The following LRRC45 variants were observed in gnomAD, a reference collection of about 807,000 sequenced individuals.
LRRC45 encodes the protein leucine rich repeat containing 45, also known as leucine-rich repeat-containing protein 45.
Under a neutral mutation model 85.4 loss-of-function variants are expected in LRRC45, and 73 were observed. The ratio of observed to expected loss-of-function variants is 0.85; its 90% CI spans 0.71 to 1.04. The LOEUF (loss-of-function observed/expected upper bound fraction) is 1.04, where lower values mean the gene tolerates loss of function less well. LRRC45 is among the 50% of genes least tolerant of loss of function. LRRC45 has a pLI of 0.00. For missense variants in LRRC45, 937 were observed against 883.3 expected, an observed-to-expected ratio of 1.06 and a Z score of -0.77; for synonymous variants, 429 against 386.0, an observed-to-expected ratio of 1.11 and a Z score of -1.31.
intron 13 of LRRC45, 108 bp from the exon 14 acceptor site, chr17:82,029,435 G>A (rs2043397539): frequency 7.8e-7 from 1 of 1,280,550 alleles, no homozygotes; most frequent in African/African-American, 1.5e-5. Context: ...GCCCTCAGGA[G>A]GCTGGCAGAG....
In LRRC45 at chr17:82,029,178, TGGA is replaced by T. The variant is rs2043394418; in HGVS notation, c.1400_1401+1del. 5 of 1,610,010 alleles carry T rather than the reference TGGA, an allele frequency of 3.1e-6. No individual in the cohort carries two copies. Among genetic ancestry groups the T allele is most frequent in the African/African-American group, 1.3e-5 (1 of 74,878 alleles). On this transcript the variant is annotated inframe_deletion, in exon 13 of 17. Transcript: ENST00000306688. ...AGGCTGGAGGCGGCGCGGCTGTCCC[TGGA>T]GGAGGTGAGTGCCCACCAGGCAGGG...
chr17:82,028,513 G>C lies in LRRC45; in HGVS notation c.1237+5G>C, dbSNP rs780676989. Reference sequence around the variant, plus strand: ...TGCGGGCCATCCAGGCCGAGGGTGGGCACGGGCAGGCCTGCTGTGGAGGGG... The same window carrying C: ...TGCGGGCCATCCAGGCCGAGGGTGGCCACGGGCAGGCCTGCTGTGGAGGGG... On this transcript the variant is annotated splice_donor_5th_base_variant and intron_variant, in intron 11 of 16. Transcript: ENST00000306688. 6.2e-7 allele frequency: 1 copy of C among 1,612,214 alleles called. No individual in the cohort carries two copies. Among genetic ancestry groups the C allele is most frequent in the East Asian group, 2.2e-5 (1 of 44,868 alleles).
chr17:82,030,867 G>C lies in LRRC45; in HGVS notation c.*62G>C. ...TCAGGCGGCGCCCGAGATGGACCAG[G>C]GGCTGCGTCCCGCCCGCGCCGCCTC... On this transcript the variant is annotated 3_prime_UTR_variant, in exon 17 of 17. Transcript: ENST00000306688. 1.6e-6 allele frequency: 2 copies of C among 1,213,820 alleles called. No individual in the cohort carries two copies. The highest frequency in any genetic ancestry group is 6.0e-5 in the East Asian group (2 of 33,424). The allele number at this position is 1,213,820 out of a possible 1,614,324, so 75.2% of individuals were successfully genotyped here.
In LRRC45 at chr17:82,027,398, A is replaced by G. The variant is rs2043377423; in HGVS notation, c.787A>G (p.Met263Val). 1.9e-6 allele frequency: 3 copies of G among 1,612,486 alleles called. No individual in the cohort carries two copies. Among genetic ancestry groups the G allele is most frequent in the African/African-American group, 1.3e-5 (1 of 74,920 alleles). The change falls in exon 7 of 17, where the codon ATG becomes GTG. Residue 263 changes from methionine (M) to valine (V), a missense_variant. Transcript: ENST00000306688. ...EEKSKQFLDL[M>V]ETIDKQREEM... ...TCTCTGTCCCCAGTTCCTCGACTTG[A>G]TGGAGACTATTGATAAGCAGCGAGA...
At position 82,030,713 on chromosome 17, in the gene LRRC45, G is replaced by A; in HGVS notation, c.1921G>A (p.Asp641Asn). ...GGAGGCGGAGATCGCCCGCATCCGG[G>A]ACGAGGAGGCCCAGAGGGCGAGCTT... ...LREAEIARIRDEEAQRASFLQ... is the reference protein window; with the variant it reads ...LREAEIARIRNEEAQRASFLQ... Residue 641 changes from aspartate (D) to asparagine (N), a missense_variant, in exon 17 of 17, where the codon GAC (aspartate) becomes AAC (asparagine). Coordinates refer to ENST00000306688, the MANE Select transcript of LRRC45 (RefSeq NM_144999.4). 10 of 1,500,064 alleles carry A rather than the reference G, an allele frequency of 6.7e-6. No individual in the cohort carries two copies. The highest frequency in any genetic ancestry group is 9.0e-6 in the Non-Finnish European group (10 of 1,115,124). The allele number at this position is 1,500,064 out of a possible 1,614,324, so 92.9% of individuals were successfully genotyped here.
In LRRC45 at chr17:82,023,840, GTGAC is replaced by G; in HGVS notation, c.200_203del (p.Asp67AlafsTer26). The G allele has an allele frequency of 6.4e-7, 1 of 1,563,890 alleles. No homozygotes were observed. The highest frequency in any genetic ancestry group is 8.6e-7 in the Non-Finnish European group (1 of 1,156,370). On this transcript the variant is annotated frameshift_variant, in exon 1 of 17. Coordinates refer to ENST00000306688, the MANE Select transcript of LRRC45 (RefSeq NM_144999.4). LOFTEE classifies it high-confidence loss of function. ...ACGCTGTGCACGGAGCTGGTCCTGA[GTGAC>G]TGCATGCTCAGCGAGGAAGGTGGGC...
chr17:82,028,889 A>G, intron 12 of LRRC45: 1 of 727,996 alleles, frequency 1.4e-6, no homozygotes, highest in Non-Finnish European at 2.3e-6. Flanking sequence ...GCCGTAGTAC[A>G]GGCTGCCGTT....
chr17:82,029,638 G>A lies in LRRC45; in HGVS notation c.1494+3G>A. On this transcript the variant is annotated splice_donor_region_variant and intron_variant, in intron 14 of 16. Coordinates refer to ENST00000306688, the MANE Select transcript of LRRC45 (RefSeq NM_144999.4). ...AGAGCCAGGCCCGCCTGGAGGAGGT[G>A]AGCCACACATGTCCGCCACCCTCCG... The A allele has an allele frequency of 6.4e-7, 1 of 1,565,440 alleles. No homozygotes were observed. The highest frequency in any genetic ancestry group is 8.6e-7 in the Non-Finnish European group (1 of 1,156,652).
In LRRC45 at chr17:82,023,601, G is replaced by C; in HGVS notation, c.-43G>C. ...CGCACCGCGCGGCTCCCTTTCAGCA[G>C]CTGCGGGAGCATGCGGAGGAGGCCC... On this transcript the variant is annotated 5_prime_UTR_variant, in exon 1 of 17. Coordinates refer to ENST00000306688, the MANE Select transcript of LRRC45 (RefSeq NM_144999.4). The C allele has an allele frequency of 6.8e-7, 1 of 1,469,480 alleles. No individual in the cohort carries two copies. The highest frequency in any genetic ancestry group is 9.0e-7 in the Non-Finnish European group (1 of 1,107,344). The allele number at this position is 1,469,480 out of a possible 1,614,324, so 91.0% of individuals were successfully genotyped here.
At chr17:82,024,622 C>T (rs1392579486) in intron 2 of LRRC45, 71 bp from the exon 3 acceptor site, 3 of 1,505,092 alleles carry the variant, frequency 2.0e-6, no homozygotes, top group East Asian at 2.3e-5. Flanking sequence ...TGACCAAGGC[C>T]CTTGGGGCAT....
chr17:82,026,564 T>TGTGTGTGTG (rs1555644848), intron 5 of LRRC45, among the ~76,000 whole-genome samples: 3,356 of 137,550 alleles, frequency 0.024, 156 homozygotes, highest in African/African-American at 0.087. Context: ...CACAGCTCCT[T>TGTGTGTGTG]TGTGTGTGTG....
intron 1 of LRRC45, 92 bp from the exon 2 acceptor site, chr17:82,024,186 C>T: frequency 7.0e-7 from 1 of 1,426,426 alleles, no homozygotes; most frequent in Non-Finnish European, 9.6e-7. Flanking sequence ...TTGTCCCTTC[C>T]TGGGTCTAGG....
chr17:82,024,606 C>T, intron 2 of LRRC45, 87 bp from the exon 3 acceptor site: 1 of 1,451,166 alleles, frequency 6.9e-7, no homozygotes, highest in South Asian at 1.3e-5. Flanking sequence ...AGGCTTGTCC[C>T]CTGGCTGACC....
intron 2 of LRRC45, 27 bp from the exon 3 acceptor site, chr17:82,024,666 G>A: frequency 6.4e-7 from 1 of 1,563,584 alleles, no homozygotes; most frequent in South Asian, 1.2e-5. Context: ...GGGCACGCGA[G>A]TGACTACCGG....
chr17:82,025,891 T>C (rs898603573), intron 5 of LRRC45, among the ~76,000 whole-genome samples: 1 of 152,182 alleles, frequency 6.6e-6, no homozygotes, highest in Non-Finnish European at 1.5e-5. Context: ...TGGCCCTGCA[T>C]GTGAGTCAGG....
At chr17:82,024,116 T>C in intron 1 of LRRC45, 162 bp from the exon 2 acceptor site, 1 of 872,826 alleles carries the variant, frequency 1.1e-6, no homozygotes, top group South Asian at 1.8e-5. Flanking sequence ...GCTGCAGGTG[T>C]TTCAAACATG....
At chr17:82,029,441 C>G in intron 13 of LRRC45, 102 bp from the exon 14 acceptor site, 1 of 1,322,638 alleles carries the variant, frequency 7.6e-7, no homozygotes, top group Non-Finnish European at 1.1e-6. Context: ...AGGAGGCTGG[C>G]AGAGAGGAGC....
In LRRC45 at chr17:82,023,631, G is replaced by A. The variant is rs746082574; in HGVS notation, c.-13G>A. The A allele has an allele frequency of 4.0e-6, 6 of 1,518,330 alleles. No individual in the cohort carries two copies. The highest frequency in any genetic ancestry group is 5.3e-6 in the Non-Finnish European group (6 of 1,135,994). 94.1% of individuals were successfully genotyped at this position (1,518,330 alleles called of 1,614,324 possible). The stretch of plus-strand genomic sequence containing the variant: ...GGGAGCATGCGGAGGAGGCCCTGCC[G>A]GCCCCGCGGGTCATGGAGGAGTTCC... On this transcript the variant is annotated 5_prime_UTR_variant, in exon 1 of 17. Coordinates refer to ENST00000306688, the MANE Select transcript of LRRC45 (RefSeq NM_144999.4).
At chr17:82,029,271 C>A in intron 13 of LRRC45, 86 bp downstream of exon 13, 2 of 1,298,910 alleles carry the variant, frequency 1.5e-6, no homozygotes, top group South Asian at 1.4e-5. Context: ...GCCTCAGGAC[C>A]AGAGACCTCT....
Sources: allele counts gnomAD v4.1 joint callset (sites outside exome capture counted in the v4.1 genomes callset), GRCh38; gene constraint gnomAD v4.1.1; transcripts MANE v1.5; gene names NCBI Gene and HGNC (gene_info 2026-07-23, HGNC 2026-07-21).